FAM133B: variants seen among roughly 807,000 people sequenced by gnomAD.
The protein encoded by FAM133B is family with sequence similarity 133 member B.
Under a neutral mutation model 46.4 loss-of-function variants are expected in FAM133B, and 25 were observed. That is an observed-to-expected ratio of 0.54 (90% CI 0.39 to 0.75). The LOEUF is 0.75. FAM133B is among the 30% of genes least tolerant of loss of function. The pLI is 0.00. For synonymous variants in FAM133B, 75 were observed against 86.0 expected, an observed-to-expected ratio of 0.87 and a Z score of 0.71; for missense variants, 205 against 277.6, an observed-to-expected ratio of 0.74 and a Z score of 1.86.
At chr7:92,575,374 G>A (rs962848229) in intron 8 of FAM133B, among the ~76,000 whole-genome samples, 7 of 152,194 alleles carry the variant, frequency 4.6e-5, no homozygotes, top group African/African-American at 1.7e-4. Context: ...CAGGGAGGCT[G>A]AGGCAGGAAA....
intron 10 of FAM133B, among the ~76,000 whole-genome samples, chr7:92,564,162 C>A (rs796126497): frequency 6.6e-5 from 10 of 152,302 alleles, no homozygotes; most frequent in African/African-American, 2.2e-4. Flanking sequence ...TCAAATATAT[C>A]AAGCTTATTC....
intron 1 of FAM133B, among the ~76,000 whole-genome samples, chr7:92,582,487 TAAAC>T (rs1794916273): frequency 6.6e-6 from 1 of 152,030 alleles, no homozygotes. Context: ...AAGAAAAAAA[TAAAC>T]AGAACATCAA....
chr7:92,585,663 T>G (rs760993589), intron 1 of FAM133B, among the ~76,000 whole-genome samples: 1 of 151,984 alleles, frequency 6.6e-6, no homozygotes, highest in African/African-American at 2.4e-5. Context: ...AAAGGCAAGT[T>G]GCCAAAATGA....
chr7:92,566,045 T>G lies in FAM133B; in HGVS notation c.626A>C (p.Lys209Thr). 1.2e-6 allele frequency: 2 copies of G among 1,613,868 alleles called. No individual in the cohort carries two copies. The highest frequency in any genetic ancestry group is 1.7e-6 in the Non-Finnish European group (2 of 1,179,862). The change falls in exon 10 of 11, where the codon AAG (lysine) becomes ACG (threonine). Residue 209 changes from lysine (K) to threonine (T), a missense_variant. Transcript: ENST00000445716. ...TTTTTCTCGTTCTTCACTGCTTTTC[T>G]TCTTTTTTGCTCGCACCTAGAAAGT... is the stretch of plus-strand genomic sequence containing the variant. ...EYIEEVRAKKKKSSEEREKAT... is the reference protein window; with the variant it reads ...EYIEEVRAKKTKSSEEREKAT...
At chr7:92,574,758 A>G (rs1329006448) in intron 8 of FAM133B, among the ~76,000 whole-genome samples, 2 of 145,650 alleles carry the variant, frequency 1.4e-5, no homozygotes, top group African/African-American at 2.6e-5. Flanking sequence ...ACAAAAAATT[A>G]GCCGGGCGCG....
At chr7:92,582,310 A>AAATAACAT (rs1794910433) in intron 1 of FAM133B, among the ~76,000 whole-genome samples, 1 of 131,500 alleles carries the variant, frequency 7.6e-6, no homozygotes, top group African/African-American at 3.1e-5. Flanking sequence ...TAAATAACAT[A>AAATAACAT]AAATAACATA....
intron 10 of FAM133B, chr7:92,565,361 G>T (rs1794311202): frequency 6.7e-6 from 1 of 149,284 alleles, no homozygotes; most frequent in African/African-American, 2.5e-5. Flanking sequence ...TCACCATGTT[G>T]GACAGGCTGG....
At chr7:92,570,948 T>C (rs1165258533) in intron 8 of FAM133B, among the ~76,000 whole-genome samples, 1 of 152,206 alleles carries the variant, frequency 6.6e-6, no homozygotes, top group Non-Finnish European at 1.5e-5. Context: ...AAATACCTGC[T>C]GTCTGGAACC....
intron 10 of FAM133B, chr7:92,565,379 C>T (rs1794311889): frequency 6.6e-6 from 1 of 150,462 alleles, no homozygotes; most frequent in South Asian, 2.1e-4. Context: ...TGGTCTTGAA[C>T]TCCTGACCTT....
At chr7:92,589,880 G>C (rs1795143160) in intron 1 of FAM133B, 1 of 223,492 alleles carries the variant, frequency 4.5e-6, no homozygotes, top group Non-Finnish European at 8.8e-6. Context: ...CGATACCAAG[G>C]GGCGGGTGAG....
At chr7:92,585,104 A>T (rs1795003275) in intron 1 of FAM133B, among the ~76,000 whole-genome samples, 1 of 152,212 alleles carries the variant, frequency 6.6e-6, no homozygotes, top group Non-Finnish European at 1.5e-5. Flanking sequence ...CAATCAACTG[A>T]GTCTCAGCCA....
rs1031790300 is a variant in FAM133B at position 92,573,467 on chromosome 7, T to C, written c.516+2304A>G. On this transcript the variant is annotated intron_variant, in intron 8 of 10. Transcript: ENST00000445716. ...ATTGTGCCCAGTCTTTTTTCTTCTT[T>C]TTTTTTTTTAATACATAAAACAAGA... 2.7e-4 allele frequency among the ~76,000 whole-genome samples: 40 copies of C among 150,822 alleles called. No homozygotes were observed. The South Asian group carries it at 3.1e-3, about 12-fold the overall frequency.
At chr7:92,576,997 A>T in intron 7 of FAM133B, 106 bp downstream of exon 7, 1 of 582,036 alleles carries the variant, frequency 1.7e-6, no homozygotes, top group Non-Finnish European at 2.7e-6. Flanking sequence ...AGAACATCAA[A>T]GTACAAATAT....
intron 9 of FAM133B, among the ~76,000 whole-genome samples, chr7:92,568,306 C>G (rs1794425475): frequency 6.6e-6 from 1 of 151,982 alleles, no homozygotes; most frequent in African/African-American, 2.4e-5. Context: ...TATACACCTG[C>G]TACAGCCTGC....
At position 92,562,360 on chromosome 7, in the gene FAM133B, T is replaced by C; in HGVS notation, c.666A>G (p.Thr222=). The change falls in exon 11 of 11, where the codon ACA becomes ACG. Residue 222 remains threonine, a synonymous_variant. Transcript: ENST00000445716. Reference sequence around the variant, plus strand: ...GTTTCTTATGCTTCTTTTTCTTTTTTGTTTTTTCCTGTAAAGATAATTCCA... The same window carrying C: ...GTTTCTTATGCTTCTTTTTCTTTTTCGTTTTTTCCTGTAAAGATAATTCCA... ...SEEREKATEK[T]KKKKKHKKHS... is the part of the protein sequence containing the mutation. The C allele has an allele frequency of 1.3e-6, 2 of 1,531,124 alleles. No homozygotes were observed. Among genetic ancestry groups the C allele is most frequent in the Non-Finnish European group, 1.7e-6 (2 of 1,144,698 alleles). 94.8% of individuals were successfully genotyped at this position (1,531,124 alleles called of 1,614,324 possible). A position where few individuals can be genotyped will look rare whatever the true frequency, so the allele number is the denominator to read the frequency against.
chr7:92,569,682 A>G (rs907506129), intron 9 of FAM133B, 141 bp downstream of exon 9: 2 of 418,520 alleles, frequency 4.8e-6, no homozygotes, highest in African/African-American at 4.1e-5. Flanking sequence ...TCATTCTGAA[A>G]TGAAATAACT....
At chr7:92,565,149 CTT>C (rs72450473) in intron 10 of FAM133B, among the ~76,000 whole-genome samples, 5,341 of 130,386 alleles carry the variant, frequency 0.041, 114 homozygotes, top group African/African-American at 0.047. Flanking sequence ...GCTTATATTT[CTT>C]TTTTTTTTTT....
rs1426343014 is a variant in FAM133B at position 92,590,163 on chromosome 7, G to A, written c.24+105C>T. The A allele has an allele frequency of 5.7e-6, 9 of 1,577,828 alleles. No individual in the cohort carries two copies. The Admixed American group carries it at 1.2e-4, about 21-fold the overall frequency. On this transcript the variant is annotated intron_variant, in intron 1 of 10. Coordinates refer to ENST00000445716, the MANE Select transcript of FAM133B (RefSeq NM_152789.4). ...TGCTGGGTCTCCAGGCCCCACGTCTGAGGGCTGCCGCTTGCCCTCCGGCCC... is the reference window on the plus strand; with the variant it reads ...TGCTGGGTCTCCAGGCCCCACGTCTAAGGGCTGCCGCTTGCCCTCCGGCCC...
Position 92,590,221 on chromosome 7 carries a change from C to T in FAM133B, c.24+47G>A, listed in dbSNP as rs199738214. Reference sequence around the variant, plus strand: ...AACAGCGAGGGTTCTCGCTGTCCTGCCGCCGGGCCCTGCGTCGCCCCACTG... The same window carrying T: ...AACAGCGAGGGTTCTCGCTGTCCTGTCGCCGGGCCCTGCGTCGCCCCACTG... On this transcript the variant is annotated intron_variant, in intron 1 of 10. Coordinates refer to ENST00000445716, the MANE Select transcript of FAM133B (RefSeq NM_152789.4). 273 of 1,613,440 alleles carry T rather than the reference C, an allele frequency of 1.7e-4. No homozygotes were observed. The African/African-American group carries it at 3.5e-3, about 20-fold the overall frequency.
Sources: allele counts gnomAD v4.1 joint callset (sites outside exome capture counted in the v4.1 genomes callset), GRCh38; gene constraint gnomAD v4.1.1; transcripts MANE v1.5; gene names NCBI Gene and HGNC (gene_info 2026-07-23, HGNC 2026-07-21).